Variants in FHOD3 observed in about 807,000 individuals in gnomAD.
FHOD3 encodes the protein FH1/FH2 domain-containing protein 3.
FHOD3 carries 90 observed loss-of-function variants against 173.0 expected under a neutral mutation model. That is an observed-to-expected ratio of 0.52 (90% CI 0.44 to 0.62). FHOD3 has a LOEUF of 0.62. Ranked by LOEUF, FHOD3 falls within the 20% of genes least tolerant of loss-of-function variation. The pLI is 0.00. For missense variants in FHOD3, 1,945 were observed against 2,034.7 expected (o/e 0.96, Z 0.85); for synonymous variants, 828 against 823.0 (o/e 1.01, Z -0.10).
Position 36,718,478 on chromosome 18 carries a change from G to A in FHOD3, c.3180G>A (p.Val1060=). ...PGNLLVPPPP[V]FNAPQGLGWS... is the part of the protein sequence containing the mutation. ...ATTTATTGGTTCCTCCTCCTCCAGT[G>A]TTCAACGCTCCTCAGGGCTTAGGGT... Residue 1060 remains valine, a synonymous_variant, in exon 19 of 29, where the codon GTG becomes GTA. Coordinates refer to ENST00000590592, the MANE Select transcript of FHOD3 (RefSeq NM_001281740.3). The A allele has an allele frequency of 6.2e-7, 1 of 1,612,452 alleles. No individual in the cohort carries two copies. The highest frequency in any genetic ancestry group is 1.1e-5 in the South Asian group (1 of 91,038).
chr18:36,300,990 C>T (rs543595380), intron 1 of FHOD3, among the ~76,000 whole-genome samples: 63 of 152,324 alleles, frequency 4.1e-4, no homozygotes, highest in African/African-American at 1.5e-3. Context: ...GATCTGCCCA[C>T]CTCGGCCTCC....
chr18:36,384,636 T>C (rs1443424084), intron 3 of FHOD3, among the ~76,000 whole-genome samples: 1 of 151,292 alleles, frequency 6.6e-6, no homozygotes, highest in Non-Finnish European at 1.5e-5. Flanking sequence ...AAAAATAAAG[T>C]CATATATTGA....
rs190136460 is a variant in FHOD3 at position 36,403,484 on chromosome 18, C to T, written c.337+30740C>T. Among the ~76,000 whole-genome samples the T allele has an allele frequency of 3.4e-3, 522 of 152,196 alleles. 2 individuals carry two copies. Among genetic ancestry groups the T allele is most frequent in the African/African-American group, 0.012 (489 of 41,536 alleles). ...GAACCTGAGAAGGCCTCCTGTGTGC[C>T]GGGGTTACTTGACCCATACATGCTC... On this transcript the variant is annotated intron_variant, in intron 3 of 28. Coordinates refer to ENST00000590592, the MANE Select transcript of FHOD3 (RefSeq NM_001281740.3).
At chr18:36,351,040 C>T (rs1344036909) in intron 1 of FHOD3, among the ~76,000 whole-genome samples, 4 of 152,200 alleles carry the variant, frequency 2.6e-5, no homozygotes, top group African/African-American at 7.2e-5. Flanking sequence ...TCCTGTGTCT[C>T]GGGTGTAATG....
chr18:36,342,998 A>C (rs921553124), intron 1 of FHOD3, among the ~76,000 whole-genome samples: 9 of 152,246 alleles, frequency 5.9e-5, no homozygotes, highest in Non-Finnish European at 1.2e-4. Context: ...GGATTGCCAT[A>C]ATAAAAAGGG....
At chr18:36,735,118 A>G (rs2041565469) in intron 20 of FHOD3, among the ~76,000 whole-genome samples, 2 of 152,160 alleles carry the variant, frequency 1.3e-5, no homozygotes, top group Non-Finnish European at 2.9e-5. Context: ...TTAATTTTAT[A>G]GAGTCTGTGT....
At chr18:36,318,058 C>G (rs2044213022) in intron 1 of FHOD3, among the ~76,000 whole-genome samples, 1 of 152,100 alleles carries the variant, frequency 6.6e-6, no homozygotes, top group East Asian at 1.9e-4. Context: ...ATTTCTGAGG[C>G]CTCTGTTCTG....
intron 3 of FHOD3, among the ~76,000 whole-genome samples, chr18:36,411,286 A>T (rs2049340551): frequency 6.6e-6 from 1 of 152,230 alleles, no homozygotes; most frequent in South Asian, 2.1e-4. Context: ...TAATAAATAC[A>T]TTTTAAATTT....
At chr18:36,357,240 C>T (rs1004554276) in intron 2 of FHOD3, among the ~76,000 whole-genome samples, 8 of 152,186 alleles carry the variant, frequency 5.3e-5, no homozygotes, top group African/African-American at 1.4e-4. Context: ...CCTGTTTTAA[C>T]ACCCTTCACA....
In FHOD3 at chr18:36,595,605, C is replaced by G. The variant is rs553375810; in HGVS notation, c.718+707C>G. 2.6e-5 allele frequency among the ~76,000 whole-genome samples: 4 copies of G among 152,266 alleles called. No individual in the cohort carries two copies. The South Asian group carries it at 6.2e-4, about 24-fold the overall frequency. On this transcript the variant is annotated intron_variant, in intron 7 of 28. Coordinates refer to ENST00000590592, the MANE Select transcript of FHOD3 (RefSeq NM_001281740.3). ...CCCTGTCTCTCCAAGTCGGGGTTGC[C>G]TGCTCAAGGATGGGGTCTCTGTCTC...
chr18:36,436,542 A>G (rs933505963), intron 3 of FHOD3, among the ~76,000 whole-genome samples: 1 of 152,238 alleles, frequency 6.6e-6, no homozygotes, highest in African/African-American at 2.4e-5. Context: ...ACAGATTGCT[A>G]TGTTACGTCC....
chr18:36,647,908 A>C (rs959059316), intron 10 of FHOD3, among the ~76,000 whole-genome samples: 63 of 152,200 alleles, frequency 4.1e-4, no homozygotes, highest in African/African-American at 1.5e-3. Flanking sequence ...ATTGGAAAGG[A>C]GCATTAAGGG....
At chr18:36,525,185 A>G (rs547779344) in intron 5 of FHOD3, among the ~76,000 whole-genome samples, 3 of 152,146 alleles carry the variant, frequency 2.0e-5, no homozygotes, top group Admixed American at 6.6e-5. Context: ...TTGCAGATGT[A>G]ATTAAGGTCC....
At chr18:36,611,837 T>G in intron 8 of FHOD3, 115 bp from the exon 9 acceptor site, 2 of 1,001,544 alleles carry the variant, frequency 2.0e-6, no homozygotes, top group Non-Finnish European at 1.4e-6. Context: ...TCTGTCTGGA[T>G]TGATTAGTGG....
chr18:36,499,073 T>TTTTTGTTTTGTTTTGTTTTG (rs149323059), intron 3 of FHOD3, among the ~76,000 whole-genome samples: 2 of 150,980 alleles, frequency 1.3e-5, no homozygotes, highest in African/African-American at 4.9e-5. Flanking sequence ...CCTATTGCTA[T>TTTTTGTTTTGTTTTGTTTTG]TTTTGTTTTG....
chr18:36,430,153 A>T (rs555322221), intron 3 of FHOD3, among the ~76,000 whole-genome samples: 16 of 152,238 alleles, frequency 1.1e-4, no homozygotes, highest in African/African-American at 3.6e-4. Context: ...TTAATGATCT[A>T]AATTACAGGT....
intron 2 of FHOD3, among the ~76,000 whole-genome samples, chr18:36,363,168 G>A (rs138261493): frequency 2.6e-5 from 4 of 152,314 alleles, no homozygotes; most frequent in Admixed American, 1.3e-4. Flanking sequence ...AAGATGTGGA[G>A]CAACAGGAAC....
At chr18:36,526,025 G>A (rs944021726) in intron 5 of FHOD3, among the ~76,000 whole-genome samples, 1 of 152,276 alleles carries the variant, frequency 6.6e-6, no homozygotes, top group Non-Finnish European at 1.5e-5. Flanking sequence ...ATGAAGACAA[G>A]CATGGGCACT....
chr18:36,659,016 A>G (rs77000653), intron 14 of FHOD3, among the ~76,000 whole-genome samples: 11,902 of 152,270 alleles, frequency 0.078, 602 homozygotes, highest in Middle Eastern at 0.18. Flanking sequence ...GCAGCTCCTC[A>G]TTCATCAGGA....
Sources: gnomAD v4.1 joint callset for allele counts (sites outside exome capture counted in the v4.1 genomes callset) on GRCh38, gnomAD v4.1.1 for gene constraint, MANE v1.5 for transcripts, NCBI Gene and HGNC (gene_info 2026-07-23, HGNC 2026-07-21) for gene names.